The following LRRK2 variants were observed in gnomAD, a reference collection of about 807,000 sequenced individuals.
LRRK2 encodes the protein leucine-rich repeat serine/threonine-protein kinase 2.
In LRRK2, 203 loss-of-function variants were observed where a neutral mutation model predicts 302.6. That is an observed-to-expected ratio of 0.67 (90% CI 0.60 to 0.75). The LOEUF is 0.75. Ranked by LOEUF, LRRK2 falls within the 30% of genes least tolerant of loss-of-function variation. The pLI, the probability that LRRK2 is intolerant of heterozygous loss-of-function variation, is 0.00. For synonymous variants in LRRK2, 1,066 were observed against 1,031.9 expected (o/e 1.03, Z -0.63); for missense variants, 2,830 against 2,951.0 (o/e 0.96, Z 0.95).
intron 14 of LRRK2, 38 bp from the exon 15 acceptor site, chr12:40,274,545 G>A (rs1247852647): frequency 5.6e-6 from 9 of 1,608,624 alleles, no homozygotes; most frequent in Non-Finnish European, 7.6e-6. Context: ...TAAGTATTAA[G>A]ATCTCATTTT....
chr12:40,283,021 AT>A (rs1379931851), intron 18 of LRRK2, among the ~76,000 whole-genome samples: 1 of 150,906 alleles, frequency 6.6e-6, no homozygotes, highest in African/African-American at 2.5e-5. Context: ...GGGAGTAATA[AT>A]TGCTATGGCA....
intron 37 of LRRK2, 34 bp downstream of exon 37, chr12:40,322,544 G>C: frequency 4.5e-6 from 7 of 1,571,398 alleles, no homozygotes; most frequent in Non-Finnish European, 6.1e-6. Flanking sequence ...ATGCTTTTAA[G>C]TGATCCTTCA....
intron 11 of LRRK2, among the ~76,000 whole-genome samples, chr12:40,256,915 C>A (rs11564185): frequency 9.2e-5 from 14 of 152,118 alleles, no homozygotes; most frequent in Non-Finnish European, 2.1e-4. Context: ...ATTTTGGAGA[C>A]CATTATTTAA....
chr12:40,302,020 T>C (rs1174911897), intron 25 of LRRK2, among the ~76,000 whole-genome samples: 1 of 151,854 alleles, frequency 6.6e-6, no homozygotes, highest in Non-Finnish European at 1.5e-5. Flanking sequence ...CTACTAAAAA[T>C]ACAGAAAATT....
At chr12:40,239,398 A>G (rs968855787) in intron 5 of LRRK2, among the ~76,000 whole-genome samples, 6 of 152,028 alleles carry the variant, frequency 3.9e-5, no homozygotes, top group Non-Finnish European at 5.9e-5. Context: ...TTGAGGTTCT[A>G]TTGTCTTGCA....
chr12:40,330,289 A>G (rs1945676839), intron 39 of LRRK2, among the ~76,000 whole-genome samples: 1 of 152,158 alleles, frequency 6.6e-6, no homozygotes, highest in South Asian at 2.1e-4. Context: ...ATGTCATCAC[A>G]CTTTATTTTT....
chr12:40,253,813 C>G (rs1942384464), intron 11 of LRRK2, among the ~76,000 whole-genome samples: 1 of 152,216 alleles, frequency 6.6e-6, no homozygotes. Context: ...CACCAGTGAT[C>G]ACTTTCCTCC....
intron 8 of LRRK2, 98 bp from the exon 9 acceptor site, chr12:40,251,134 T>G: frequency 1.2e-6 from 1 of 803,880 alleles, no homozygotes; most frequent in East Asian, 2.8e-5. Context: ...CACACCTCAT[T>G]CTGTTGGTAA....
intron 14 of LRRK2, among the ~76,000 whole-genome samples, chr12:40,272,077 T>C (rs1454965728): frequency 1.3e-5 from 2 of 152,172 alleles, no homozygotes; most frequent in Non-Finnish European, 2.9e-5. Flanking sequence ...CAGGGCGTAG[T>C]ATAAAATGGA....
intron 42 of LRRK2, among the ~76,000 whole-genome samples, chr12:40,347,761 G>A (rs1396186859): frequency 6.6e-6 from 1 of 152,132 alleles, no homozygotes; most frequent in Non-Finnish European, 1.5e-5. Flanking sequence ...CCAGGAGCTG[G>A]AGACCAGCCT....
rs778918119 is a variant in LRRK2, at chr12:40,340,323, G to A, written c.5978G>A (p.Arg1993Gln). 4 of 1,613,740 alleles carry A rather than the reference G, an allele frequency of 2.5e-6. No homozygotes were observed. Among genetic ancestry groups the A allele is most frequent in the Non-Finnish European group, 2.5e-6 (3 of 1,179,762 alleles). Residue 1993 changes from arginine (R) to glutamine (Q), a missense_variant, in exon 41 of 51, where the codon CGA becomes CAA. Coordinates refer to ENST00000298910, the MANE Select transcript of LRRK2 (RefSeq NM_198578.4). The stretch of plus-strand genomic sequence containing the variant: ...CTCCACTCAGCCATGATTATATACC[G>A]AGACCTGAAACCCCACAATGTGCTG... ...RYLHSAMIIYRDLKPHNVLLF... is the reference protein window; with the variant it reads ...RYLHSAMIIYQDLKPHNVLLF...
intron 13 of LRRK2, among the ~76,000 whole-genome samples, chr12:40,261,410 T>C (rs943437832): frequency 1.3e-5 from 2 of 152,116 alleles, no homozygotes; most frequent in Non-Finnish European, 2.9e-5. Context: ...TGAAGGAAAA[T>C]TGTTAGTTAA....
In LRRK2 at chr12:40,304,012, T is replaced by G. The variant is rs200572639; in HGVS notation, c.3655T>G (p.Ser1219Ala). 1 of 1,613,656 alleles carries G rather than the reference T, an allele frequency of 6.2e-7. No individual in the cohort carries two copies. Among genetic ancestry groups the G allele is most frequent in the Admixed American group, 1.7e-5 (1 of 59,958 alleles). Residue 1219 changes from serine (S) to alanine (A), a missense_variant, in exon 27 of 51, where the codon TCT becomes GCT. By Grantham distance (99) the Ser-to-Ala change is moderately conservative (BLOSUM62 1). Around this residue, in one of 3 missense-constraint regions of LRRK2, gnomAD observed 2,121 missense variants for 2,148.0 expected, o/e 0.99. Transcript: ENST00000298910. Reference protein sequence around the residue: ...QYLPGPAHWKSLNLRELLFSH... With the variant: ...QYLPGPAHWKALNLRELLFSH... ...CCTACCAGGTCCCGCACACTGGAAATCTTTGAACTTAAGGGAACTCTTATT... is the reference window on the plus strand; with the variant it reads ...CCTACCAGGTCCCGCACACTGGAAAGCTTTGAACTTAAGGGAACTCTTATT...
intron 16 of LRRK2, among the ~76,000 whole-genome samples, chr12:40,277,182 T>C (rs1943492802): frequency 6.6e-6 from 1 of 152,176 alleles, no homozygotes; most frequent in Admixed American, 6.5e-5. Context: ...AAGATGATCC[T>C]TGGTGGCTTT....
intron 30 of LRRK2, 96 bp downstream of exon 30, chr12:40,309,329 T>TTGCTTCAG (rs1433970606): frequency 1.5e-5 from 22 of 1,457,110 alleles, no homozygotes; most frequent in Non-Finnish European, 1.9e-5. Flanking sequence ...GGGCAAACAA[T>TTGCTTCAG]TGCTTCAGTC....
intron 13 of LRRK2, among the ~76,000 whole-genome samples, chr12:40,262,907 T>A (rs193238850): frequency 4.6e-5 from 7 of 152,250 alleles, no homozygotes; most frequent in Admixed American, 3.9e-4. Flanking sequence ...CAGAACCTCT[T>A]TGAGTACATT....
intron 39 of LRRK2, among the ~76,000 whole-genome samples, chr12:40,332,408 GAGAT>G: frequency 6.6e-6 from 1 of 152,308 alleles, no homozygotes; most frequent in South Asian, 2.1e-4. Flanking sequence ...TTAGGAATGA[GAGAT>G]AGAAACAGGG....
At chr12:40,363,842 T>C (rs142610229) in intron 48 of LRRK2, among the ~76,000 whole-genome samples, 80 of 152,192 alleles carry the variant, frequency 5.3e-4, no homozygotes, top group African/African-American at 1.9e-3. Flanking sequence ...GAGTCTCTGC[T>C]AGCTTTGACA....
chr12:40,272,748 T>C (rs1437807588), intron 14 of LRRK2, among the ~76,000 whole-genome samples: 3 of 152,120 alleles, frequency 2.0e-5, no homozygotes, highest in African/African-American at 7.2e-5. Context: ...AATTAAGGGA[T>C]GATAAGCACC....
Sources: gnomAD v4.1 joint callset for allele counts (sites outside exome capture counted in the v4.1 genomes callset) on GRCh38, gnomAD v4.1.1 for gene constraint, gnomAD v4.1.1 regional missense constraint, MANE v1.5 for transcripts, NCBI Gene and HGNC (gene_info 2026-07-23, HGNC 2026-07-21) for gene names.